NCKAP5: variants seen among roughly 807,000 people sequenced by gnomAD.
NCKAP5 encodes nck-associated protein 5.
NCKAP5 carries 92 observed loss-of-function variants against 167.0 expected under a neutral mutation model. The observed-to-expected ratio is 0.55, with a 90% CI of 0.47 to 0.66. NCKAP5 has a LOEUF of 0.66. Among genes scored for constraint, NCKAP5 ranks in the 30% least tolerant of loss-of-function variants. The pLI, the probability that NCKAP5 is intolerant of heterozygous loss-of-function variation, is 0.00. For synonymous variants in NCKAP5, 891 were observed against 877.4 expected (o/e 1.02, Z -0.27); for missense variants, 2,378 against 2,315.0 (o/e 1.03, Z -0.56).
At chr2:132,771,273 G>A (rs1268627353) in intron 16 of NCKAP5, among the ~76,000 whole-genome samples, 1 of 152,100 alleles carries the variant, frequency 6.6e-6, no homozygotes, top group Non-Finnish European at 1.5e-5. Flanking sequence ...TAGCTAATAT[G>A]TGTGTTTGTG....
At chr2:133,424,643 G>A (rs1689678997) in intron 3 of NCKAP5, among the ~76,000 whole-genome samples, 1 of 152,170 alleles carries the variant, frequency 6.6e-6, no homozygotes. Flanking sequence ...AACCTAGAAG[G>A]ATTTTACTTG....
intron 4 of NCKAP5, among the ~76,000 whole-genome samples, chr2:133,261,801 G>T (rs908862308): frequency 1.9e-4 from 29 of 152,314 alleles, no homozygotes; most frequent in African/African-American, 7.0e-4. Context: ...AAAAGTAGCT[G>T]CAGCAATATT....
intron 6 of NCKAP5, among the ~76,000 whole-genome samples, chr2:133,098,550 T>A (rs1490023088): frequency 6.6e-6 from 1 of 152,184 alleles, no homozygotes; most frequent in Non-Finnish European, 1.5e-5. Context: ...CTGGGTAAAA[T>A]TCCGAGACAA....
Position 132,967,316 on chromosome 2 carries a change from C to T in NCKAP5, c.430-3447G>A, listed in dbSNP as rs201272485. On this transcript the variant is annotated intron_variant, in intron 7 of 19. Coordinates refer to ENST00000409261, the MANE Select transcript of NCKAP5 (RefSeq NM_207363.3). ...GTATCAGTATTTAGATTACATAAAACGTCAGGGTCACTTTACATAATTTGA... is the reference window on the plus strand; with the variant it reads ...GTATCAGTATTTAGATTACATAAAATGTCAGGGTCACTTTACATAATTTGA... 7.2e-5 allele frequency among the ~76,000 whole-genome samples: 11 copies of T among 152,118 alleles called. No homozygotes were observed. In the East Asian group the frequency reaches 1.4e-3, roughly 19 times the overall value.
In NCKAP5 at chr2:132,891,354, T is replaced by C. The variant is rs558979392; in HGVS notation, c.580-12438A>G. ...GCTGCTGCTGGCCTGGGAACAGCAC[T>C]TTGAGAGCTAGTGCTCAAGATGGAT... On this transcript the variant is annotated intron_variant, in intron 8 of 19. Coordinates refer to ENST00000409261, the MANE Select transcript of NCKAP5 (RefSeq NM_207363.3). 1.7e-3 allele frequency among the ~76,000 whole-genome samples: 255 copies of C among 152,260 alleles called. 1 individual carries two copies. Among genetic ancestry groups the C allele is most frequent in the African/African-American group, 6.0e-3 (250 of 41,558 alleles).
At chr2:133,162,187 G>C (rs1034342334) in intron 5 of NCKAP5, among the ~76,000 whole-genome samples, 1 of 152,056 alleles carries the variant, frequency 6.6e-6, no homozygotes, top group African/African-American at 2.4e-5. Flanking sequence ...ACATAAATAG[G>C]CAAAAGGCCA....
chr2:133,368,374 G>A (rs912329497), intron 3 of NCKAP5, among the ~76,000 whole-genome samples: 5 of 152,114 alleles, frequency 3.3e-5, no homozygotes, highest in East Asian at 3.8e-4. Context: ...TAATTTCAGG[G>A]AGTGTAAATT....
At chr2:133,624,422 T>C in the NCKAP5 span, among the ~76,000 whole-genome samples, 3 of 152,040 alleles carry the variant, frequency 2.0e-5, no homozygotes, top group Non-Finnish European at 2.9e-5. Context: ...TCTCAGTCCT[T>C]CCTAAAAATA....
At position 132,751,112 on chromosome 2, in the gene NCKAP5, T is replaced by G. The variant is rs993625276; in HGVS notation, c.5129-19061A>C. 2.6e-5 allele frequency among the ~76,000 whole-genome samples: 4 copies of G among 152,160 alleles called. No homozygotes were observed. In the East Asian group the frequency reaches 7.7e-4, roughly 29 times the overall value. Reference sequence around the variant, plus strand: ...TGTTGAAATTTGATCCCCAGTGAAATCTGTCTTGGTGGGAGGCGTTTGGAT... The same window carrying G: ...TGTTGAAATTTGATCCCCAGTGAAAGCTGTCTTGGTGGGAGGCGTTTGGAT... On this transcript the variant is annotated intron_variant, in intron 16 of 19. Coordinates refer to ENST00000409261, the MANE Select transcript of NCKAP5 (RefSeq NM_207363.3).
Position 132,963,752 on chromosome 2 carries a change from T to C in NCKAP5, c.547A>G (p.Lys183Glu). The C allele has an allele frequency of 6.2e-7, 1 of 1,613,982 alleles. No homozygotes were observed. Among genetic ancestry groups the C allele is most frequent in the Non-Finnish European group, 8.5e-7 (1 of 1,179,884 alleles). The change falls in exon 8 of 20, where the codon AAA becomes GAA. Residue 183 changes from lysine (K) to glutamate (E), a missense_variant. This residue lies in a region of NCKAP5 where 1,049 missense variants were observed against 1,023.4 expected (regional missense o/e 1.02). Transcript: ENST00000409261. ...SSTDEGKEKT[K>E]LLLERLKALE... Reference sequence around the variant, plus strand: ...GCTTTCAATCTCTCTAATAGCAATTTGGTCTTTTCTTTTCCCTCATCTGTA... The same window carrying C: ...GCTTTCAATCTCTCTAATAGCAATTCGGTCTTTTCTTTTCCCTCATCTGTA...
At chr2:133,041,995 GT>G (rs1239164846) in intron 6 of NCKAP5, among the ~76,000 whole-genome samples, 99 of 152,210 alleles carry the variant, frequency 6.5e-4, no homozygotes, top group African/African-American at 2.3e-3. Flanking sequence ...TTGCTGCTAT[GT>G]GAGAATGCTA....
chr2:133,367,682 C>A (rs1685540131), intron 3 of NCKAP5, among the ~76,000 whole-genome samples: 1 of 152,014 alleles, frequency 6.6e-6, no homozygotes, highest in South Asian at 2.1e-4. Context: ...TTATGAAACA[C>A]CCCTAGCAAA....
chr2:132,886,700 T>C (rs151155443), intron 8 of NCKAP5, among the ~76,000 whole-genome samples: 1 of 152,240 alleles, frequency 6.6e-6, no homozygotes, highest in Non-Finnish European at 1.5e-5. Context: ...TAGATTTTAA[T>C]ATTTATGGCG....
chr2:132,922,738 G>A (rs1002740018), intron 8 of NCKAP5, among the ~76,000 whole-genome samples: 1 of 152,180 alleles, frequency 6.6e-6, no homozygotes, highest in African/African-American at 2.4e-5. Context: ...TAGAGAAGTT[G>A]AGGAGCCTCA....
At chr2:133,640,051 A>G in the NCKAP5 span, among the ~76,000 whole-genome samples, 311 of 152,338 alleles carry the variant, frequency 2.0e-3, 1 homozygote, top group African/African-American at 7.0e-3. Flanking sequence ...TTAGCCATGC[A>G]TATATATTTA....
intron 5 of NCKAP5, among the ~76,000 whole-genome samples, chr2:133,146,356 G>C (rs561610537): frequency 1.3e-5 from 2 of 151,918 alleles, no homozygotes; most frequent in South Asian, 4.2e-4. Flanking sequence ...AGGAGGGAAG[G>C]GGTGGTATAA....
chr2:133,013,279 C>T (rs1399695316), intron 6 of NCKAP5, among the ~76,000 whole-genome samples: 1 of 152,222 alleles, frequency 6.6e-6, no homozygotes, highest in Non-Finnish European at 1.5e-5. Context: ...TGTTGTGACA[C>T]TCACAGCAGC....
intron 8 of NCKAP5, among the ~76,000 whole-genome samples, chr2:132,891,827 G>T (rs927958541): frequency 6.6e-6 from 1 of 152,224 alleles, no homozygotes; most frequent in Non-Finnish European, 1.5e-5. Context: ...ATCTTCCTAG[G>T]AGGAGAGTAA....
In NCKAP5 at chr2:132,762,208, G is replaced by C. The variant is rs1681068229; in HGVS notation, c.5128+11608C>G. Reference sequence around the variant, plus strand: ...CAAGGCAACTTACATAAAACACCCAGGCCAGTGCCCAGCATATAGAGAGCT... The same window carrying C: ...CAAGGCAACTTACATAAAACACCCACGCCAGTGCCCAGCATATAGAGAGCT... On this transcript the variant is annotated intron_variant, in intron 16 of 19. Coordinates refer to ENST00000409261, the MANE Select transcript of NCKAP5 (RefSeq NM_207363.3). Among the ~76,000 whole-genome samples, 3 of 150,136 alleles carry C rather than the reference G, an allele frequency of 2.0e-5. No individual in the cohort carries two copies. The South Asian group carries it at 6.3e-4, about 31-fold the overall frequency.
Sources: gnomAD v4.1 joint callset for allele counts (sites outside exome capture counted in the v4.1 genomes callset) on GRCh38, gnomAD v4.1.1 for gene constraint, gnomAD v4.1.1 regional missense constraint, MANE v1.5 for transcripts, NCBI Gene and HGNC (gene_info 2026-07-23, HGNC 2026-07-21) for gene names.